RIMS2: variants seen among roughly 807,000 people sequenced by gnomAD.
RIMS2 encodes regulating synaptic membrane exocytosis protein 2.
RIMS2 carries 59 observed loss-of-function variants against 174.4 expected under a neutral mutation model. The ratio of observed to expected loss-of-function variants is 0.34; its 90% CI spans 0.27 to 0.42. RIMS2 has a LOEUF of 0.42. RIMS2 is among the 10% of genes least tolerant of loss of function. RIMS2 has a pLI of 1.00. For synonymous variants in RIMS2, 606 were observed against 572.5 expected (o/e 1.06, Z -0.84); for missense variants, 1,620 against 1,666.3 (o/e 0.97, Z 0.48).
At position 104,086,098 on chromosome 8, in the gene RIMS2, G is replaced by A. The variant is rs2097532315; in HGVS notation, c.3334+71483G>A. On this transcript the variant is annotated intron_variant, in intron 19 of 23. Coordinates refer to ENST00000504942, the Ensembl canonical transcript of RIMS2. Reference sequence around the variant, plus strand: ...ATCAGGTTAGGGAAAACAAAGCTGGGAAAGGAGATTAAAAAGTAACACTCA... The same window carrying A: ...ATCAGGTTAGGGAAAACAAAGCTGGAAAAGGAGATTAAAAAGTAACACTCA... Among the ~76,000 whole-genome samples, 5 of 151,922 alleles carry A rather than the reference G, an allele frequency of 3.3e-5. No homozygotes were observed. In the South Asian group the frequency reaches 8.3e-4, roughly 25 times the overall value.
intron 19 of RIMS2, among the ~76,000 whole-genome samples, chr8:104,054,233 T>A (rs1228818103): frequency 6.6e-6 from 1 of 152,134 alleles, no homozygotes; most frequent in Non-Finnish European, 1.5e-5. Flanking sequence ...TTTATGAGAT[T>A]TTCCTATTCA....
chr8:103,907,167 A>G (rs2074597550), intron 4 of RIMS2, among the ~76,000 whole-genome samples: 1 of 152,218 alleles, frequency 6.6e-6, no homozygotes. Flanking sequence ...ACAGTTTCTG[A>G]TTCATTAAGT....
intron 1 of RIMS2, among the ~76,000 whole-genome samples, chr8:103,616,184 T>C (rs1344200217): frequency 3.3e-5 from 5 of 152,190 alleles, no homozygotes; most frequent in Non-Finnish European, 5.9e-5. Context: ...TCAGGTAGGC[T>C]TCATCCCCAG....
intron 19 of RIMS2, among the ~76,000 whole-genome samples, chr8:104,098,611 C>T (rs1270465714): frequency 6.6e-6 from 1 of 152,016 alleles, no homozygotes; most frequent in Non-Finnish European, 1.5e-5. Context: ...GAGAATTGCT[C>T]TTTTTGAGAT....
chr8:103,788,364 C>T (rs1305266989), intron 3 of RIMS2, among the ~76,000 whole-genome samples: 1 of 146,344 alleles, frequency 6.8e-6, no homozygotes, highest in Non-Finnish European at 1.5e-5. Flanking sequence ...TTAGAGTTTC[C>T]AGTTTTTCTG....
chr8:103,748,070 A>G (rs1009197717), intron 2 of RIMS2, among the ~76,000 whole-genome samples: 10 of 152,128 alleles, frequency 6.6e-5, no homozygotes. Context: ...AAGTTCATAT[A>G]TTAGTCCATG....
chr8:104,134,851 A>C (rs1178025781), intron 19 of RIMS2, among the ~76,000 whole-genome samples: 2 of 152,132 alleles, frequency 1.3e-5, no homozygotes, highest in Non-Finnish European at 2.9e-5. Context: ...TTCTACCCAA[A>C]CTTCATCCTA....
At chr8:103,557,091 A>T (rs1231634613) in intron 1 of RIMS2, among the ~76,000 whole-genome samples, 1 of 152,244 alleles carries the variant, frequency 6.6e-6, no homozygotes, top group Non-Finnish European at 1.5e-5. Flanking sequence ...CTGATTCGGG[A>T]GAATTAAATG....
intron 19 of RIMS2, among the ~76,000 whole-genome samples, chr8:104,190,942 T>C (rs973157203): frequency 6.6e-6 from 1 of 151,924 alleles, no homozygotes; most frequent in African/African-American, 2.4e-5. Context: ...TTTGTTTTTT[T>C]TTTTTGTTTG....
intron 2 of RIMS2, among the ~76,000 whole-genome samples, chr8:103,712,063 C>G (rs2097311444): frequency 2.0e-5 from 3 of 151,886 alleles, no homozygotes; most frequent in Admixed American, 2.0e-4. Context: ...ACAATCACAG[C>G]TCACTGGAGG....
At chr8:104,133,807 C>T (rs2098494367) in intron 19 of RIMS2, among the ~76,000 whole-genome samples, 1 of 152,034 alleles carries the variant, frequency 6.6e-6, no homozygotes, top group Non-Finnish European at 1.5e-5. Flanking sequence ...TCAAGGGTGC[C>T]TCTGGATTTT....
intron 2 of RIMS2, among the ~76,000 whole-genome samples, chr8:103,720,051 A>C (rs554974951): frequency 1.3e-5 from 2 of 152,302 alleles, no homozygotes; most frequent in African/African-American, 4.8e-5. Flanking sequence ...TAATGTTACT[A>C]ATGGTCATGA....
intron 1 of RIMS2, among the ~76,000 whole-genome samples, chr8:103,621,004 A>G (rs1206133919): frequency 1.3e-5 from 2 of 152,218 alleles, no homozygotes; most frequent in African/African-American, 4.8e-5. Flanking sequence ...AACTAAATAA[A>G]TGAAATTTAA....
intron 19 of RIMS2, among the ~76,000 whole-genome samples, chr8:104,127,358 C>G (rs1275132027): frequency 6.6e-6 from 1 of 152,164 alleles, no homozygotes; most frequent in Non-Finnish European, 1.5e-5. Flanking sequence ...CAGCAAACAT[C>G]TCTTGAGTCT....
At chr8:103,958,106 T>G (rs2154544861) in intron 14 of RIMS2, among the ~76,000 whole-genome samples, 2 of 152,334 alleles carry the variant, frequency 1.3e-5, no homozygotes, top group Admixed American at 1.3e-4. Flanking sequence ...TGCATGTGAA[T>G]GTTCTTTGTA....
intron 19 of RIMS2, among the ~76,000 whole-genome samples, chr8:104,217,913 ATAAAG>A (rs1460941340): frequency 1.3e-5 from 2 of 152,228 alleles, no homozygotes; most frequent in East Asian, 3.8e-4. Flanking sequence ...AAAATAAAAA[ATAAAG>A]TAAAATAATT....
chr8:103,847,583 C>T (rs2098974669), intron 3 of RIMS2, among the ~76,000 whole-genome samples: 1 of 152,068 alleles, frequency 6.6e-6, no homozygotes, highest in African/African-American at 2.4e-5. Context: ...TATAAAGGCA[C>T]TTGCTGAGGT....
At chr8:104,191,938 C>T (rs1189203560) in intron 19 of RIMS2, among the ~76,000 whole-genome samples, 2 of 151,982 alleles carry the variant, frequency 1.3e-5, no homozygotes. Context: ...ATCTTATGCC[C>T]TGGAATAGAA....
At chr8:103,778,076 T>C (rs1397973773) in intron 3 of RIMS2, among the ~76,000 whole-genome samples, 1 of 152,038 alleles carries the variant, frequency 6.6e-6, no homozygotes, top group Non-Finnish European at 1.5e-5. Context: ...TCTTCATAGG[T>C]TAGAAGTAAA....
Sources: gnomAD v4.1 joint callset for allele counts (sites outside exome capture counted in the v4.1 genomes callset) on GRCh38, gnomAD v4.1.1 for gene constraint, MANE v1.5 for transcripts, NCBI Gene and HGNC (gene_info 2026-07-23, HGNC 2026-07-21) for gene names.